COG6: variants seen among roughly 807,000 people sequenced by gnomAD.
COG6 encodes the protein conserved oligomeric Golgi complex subunit 6.
A neutral mutation model predicts 88.8 loss-of-function variants in COG6; 74 were observed. That is an observed-to-expected ratio of 0.83 (90% CI 0.69 to 1.01). The LOEUF is 1.01. COG6 is among the 50% of genes least tolerant of loss of function. COG6 has a pLI of 0.00. For synonymous variants in COG6, 286 were observed against 278.7 expected (o/e 1.03, Z -0.26); for missense variants, 800 against 797.9 (o/e 1.00, Z -0.03).
At chr13:39,733,026 C>T (rs565909031) in intron 18 of COG6, among the ~76,000 whole-genome samples, 1 of 151,870 alleles carries the variant, frequency 6.6e-6, no homozygotes, top group Non-Finnish European at 1.5e-5. Flanking sequence ...ATATCATCAC[C>T]TTTGAAAAGC....
At chr13:39,674,883 G>A (rs1320599602) in intron 4 of COG6, among the ~76,000 whole-genome samples, 1 of 151,952 alleles carries the variant, frequency 6.6e-6, no homozygotes, top group African/African-American at 2.4e-5. Context: ...GCAGTTTCAG[G>A]CATCCACTGG....
At chr13:39,743,358 A>G (rs1880155461) in intron 18 of COG6, among the ~76,000 whole-genome samples, 1 of 152,124 alleles carries the variant, frequency 6.6e-6, no homozygotes, top group Non-Finnish European at 1.5e-5. Flanking sequence ...GACGGCTAGC[A>G]AGACTAATAA....
intron 17 of COG6, 120 bp downstream of exon 17, chr13:39,724,681 C>T (rs766145945): frequency 7.8e-6 from 6 of 769,136 alleles, no homozygotes; most frequent in African/African-American, 3.5e-5. Flanking sequence ...GCTGTATTAA[C>T]GTTGGGTCCA....
intron 18 of COG6, among the ~76,000 whole-genome samples, chr13:39,738,771 C>T (rs1354327921): frequency 6.6e-6 from 1 of 152,074 alleles, no homozygotes; most frequent in Non-Finnish European, 1.5e-5. Flanking sequence ...AATTAGACTA[C>T]AGACAGATAA....
intron 18 of COG6, among the ~76,000 whole-genome samples, chr13:39,765,138 A>G (rs1440141169): frequency 7.6e-6 from 1 of 132,168 alleles, no homozygotes; most frequent in African/African-American, 2.7e-5. Flanking sequence ...AAATAAGGCA[A>G]TCAAATTTGT....
downstream of COG6, among the ~76,000 whole-genome samples, chr13:39,753,461 C>G (rs1424032681): frequency 6.6e-6 from 1 of 152,134 alleles, no homozygotes; most frequent in Non-Finnish European, 1.5e-5. Context: ...TTCAATATTG[C>G]TTTGTAATTC....
chr13:39,777,212 G>T (rs1307755039), intron 18 of COG6, among the ~76,000 whole-genome samples: 1 of 152,162 alleles, frequency 6.6e-6, no homozygotes, highest in Non-Finnish European at 1.5e-5. Flanking sequence ...CAAATAGATA[G>T]TGTCAACACA....
intron 13 of COG6, among the ~76,000 whole-genome samples, chr13:39,717,360 T>A (rs893315313): frequency 5.9e-5 from 9 of 152,136 alleles, no homozygotes; most frequent in Non-Finnish European, 5.9e-5. Flanking sequence ...TTTTTTAAAG[T>A]CAAAATTGGT....
chr13:39,753,288 G>A (rs1342495343), downstream of COG6, among the ~76,000 whole-genome samples: 1 of 152,142 alleles, frequency 6.6e-6, no homozygotes, highest in African/African-American at 2.4e-5. Flanking sequence ...TGAGAAGACA[G>A]CCATCAGTGA....
chr13:39,726,137 T>A (rs1171650724), intron 17 of COG6, among the ~76,000 whole-genome samples: 2 of 151,946 alleles, frequency 1.3e-5, no homozygotes, highest in East Asian at 3.9e-4. Flanking sequence ...CCATTTGTTG[T>A]CTCCATTTAG....
intron 3 of COG6, 44 bp downstream of exon 3, chr13:39,660,925 C>G (rs766833499): frequency 2.6e-6 from 3 of 1,156,730 alleles, no homozygotes; most frequent in Admixed American, 3.4e-5. Context: ...CTGATATAAA[C>G]TTACAAAAAT....
At chr13:39,697,482 T>C (rs1053545558) in intron 12 of COG6, among the ~76,000 whole-genome samples, 1 of 151,976 alleles carries the variant, frequency 6.6e-6, no homozygotes, top group African/African-American at 2.4e-5. Context: ...CGAGCATGCT[T>C]GGATTATATA....
chr13:39,773,344 T>C (rs1363607758), intron 18 of COG6, among the ~76,000 whole-genome samples: 1 of 152,232 alleles, frequency 6.6e-6, no homozygotes, highest in Non-Finnish European at 1.5e-5. Context: ...CTTTACATGA[T>C]CTTAAGCACT....
intron 18 of COG6, among the ~76,000 whole-genome samples, chr13:39,764,502 A>G (rs997897330): frequency 1.3e-5 from 2 of 151,790 alleles, no homozygotes; most frequent in African/African-American, 4.8e-5. Context: ...AAATATATTT[A>G]ATGTGTTCAT....
chr13:39,715,920 T>G (rs184114213), intron 13 of COG6, among the ~76,000 whole-genome samples: 21 of 152,180 alleles, frequency 1.4e-4, no homozygotes, highest in Admixed American at 1.4e-3. Context: ...GAAATAACAT[T>G]AGTTAACTTT....
Position 39,694,621 on chromosome 13 carries a change from CAT to C in COG6, c.1075-10_1075-9del, listed in dbSNP as rs1593431235. ...TTAAGAAATGTTTACTTTCCTCTCA[CAT>C]ATTTTAATAGGTTCGAATTGAGCAA... On this transcript the variant is annotated splice_polypyrimidine_tract_variant and intron_variant, in intron 11 of 18. Coordinates refer to ENST00000455146, the MANE Select transcript of COG6 (RefSeq NM_020751.3). The C allele has an allele frequency of 6.6e-7, 1 of 1,506,334 alleles. No homozygotes were observed. Among genetic ancestry groups the C allele is most frequent in the East Asian group, 2.3e-5 (1 of 44,076 alleles). The allele number at this position is 1,506,334 out of a possible 1,614,324, so 93.3% of individuals were successfully genotyped here.
rs548144913 is a variant in COG6, at chr13:39,690,132, C to A, written c.1074+308C>A. On this transcript the variant is annotated intron_variant, in intron 11 of 18. Coordinates refer to ENST00000455146, the MANE Select transcript of COG6 (RefSeq NM_020751.3). ...AATTTAAACAGCGAATCTATGAACT[C>A]TTAACAGAGAGATTTACTAAGAATA... 5.3e-5 allele frequency among the ~76,000 whole-genome samples: 8 copies of A among 152,018 alleles called. No individual in the cohort carries two copies. The East Asian group carries it at 1.2e-3, about 22-fold the overall frequency.
chr13:39,687,533 A>G lies in COG6; in HGVS notation c.819A>G (p.Arg273=). 2 of 1,613,530 alleles carry G rather than the reference A, an allele frequency of 1.2e-6. No individual in the cohort carries two copies. The highest frequency in any genetic ancestry group is 2.7e-5 in the African/African-American group (2 of 74,958). ...CCTTAGATGAATTTGGAACAGCCAG[A>G]AGAAGTACAGTTGTTCGTGGATTTA... ...KYTLDEFGTA[R]RSTVVRGFID... The change falls in exon 9 of 19, where the codon AGA becomes AGG. Residue 273 remains arginine, a synonymous_variant. Transcript: ENST00000455146.
intron 18 of COG6, among the ~76,000 whole-genome samples, chr13:39,776,084 G>A (rs1356529879): frequency 6.6e-6 from 1 of 152,046 alleles, no homozygotes; most frequent in African/African-American, 2.4e-5. Context: ...TTTTGTTTTA[G>A]GCAAACTTCT....
Sources: allele counts gnomAD v4.1 joint callset (sites outside exome capture counted in the v4.1 genomes callset), GRCh38; gene constraint gnomAD v4.1.1; transcripts MANE v1.5; gene names NCBI Gene and HGNC (gene_info 2026-07-23, HGNC 2026-07-21).